Variants in AFF2 observed in about 807,000 individuals in gnomAD.
AFF2 encodes AF4/FMR2 family member 2.
In AFF2, 14 loss-of-function variants were observed where a neutral mutation model predicts 76.9. The ratio of observed to expected loss-of-function variants is 0.18; its 90% CI spans 0.12 to 0.28. The LOEUF (loss-of-function observed/expected upper bound fraction) is 0.28, where lower values mean the gene tolerates loss of function less well. AFF2 is among the 10% of genes least tolerant of loss of function. The probability of loss-of-function intolerance (pLI) is 1.00; values close to 1 mark genes in which losing one functional copy is unlikely to be tolerated. For synonymous variants in AFF2, 398 were observed against 366.7 expected (o/e 1.09, Z -0.98); for missense variants, 868 against 1,001.1 (o/e 0.87, Z 1.79).
intron 1 of AFF2, among the ~76,000 whole-genome samples, chrX:148,571,270 C>T (rs2124326151): frequency 9.0e-6 from 1 of 111,503 alleles, no homozygotes; most frequent in East Asian, 2.8e-4. Flanking sequence ...AGCCATGCTT[C>T]TGTGGATTCT....
chrX:148,916,196 C>CTTTTTTTTTTT lies in AFF2; in HGVS notation c.1397+11959_1397+11969dup, dbSNP rs782508166. Among the ~76,000 whole-genome samples, 19 of 34,038 alleles carry CTTTTTTTTTTT rather than the reference C, an allele frequency of 5.6e-4. 4 individuals are homozygous for CTTTTTTTTTTT. The highest frequency in any genetic ancestry group is 2.4e-3 in the African/African-American group (19 of 8,055). 29.6% of individuals were successfully genotyped at this position (34,038 alleles called of 115,157 possible). A position where few individuals can be genotyped will look rare whatever the true frequency, so the allele number is the denominator to read the frequency against. ...AATAGACTTTTGAATGTGGTTTTAA[C>CTTTTTTTTTTT]TTTTTTTTTTTTTTTTTTTTTTTTT... On this transcript the variant is annotated intron_variant, in intron 9 of 20. Coordinates refer to ENST00000370460, the MANE Select transcript of AFF2 (RefSeq NM_002025.4).
chrX:148,791,347 G>C (rs951704356), intron 3 of AFF2, among the ~76,000 whole-genome samples: 1 of 111,487 alleles, frequency 9.0e-6, no homozygotes, highest in African/African-American at 3.3e-5. Context: ...GGAACTCCCC[G>C]TTATAAAACC....
At chrX:148,696,850 C>G (rs147944369) in intron 3 of AFF2, among the ~76,000 whole-genome samples, 1,240 of 111,623 alleles carry the variant, frequency 0.011, 12 homozygotes, top group African/African-American at 0.038. Flanking sequence ...TGACTGCTGC[C>G]CATGATATAT....
intron 1 of AFF2, among the ~76,000 whole-genome samples, chrX:148,535,764 G>T (rs1478639636): frequency 1.8e-5 from 2 of 111,508 alleles, no homozygotes; most frequent in African/African-American, 6.5e-5. Context: ...TAACTGTCAT[G>T]GTGGTTCTCT....
At chrX:148,739,864 A>G (rs1252415163) in intron 3 of AFF2, among the ~76,000 whole-genome samples, 2 of 111,524 alleles carry the variant, frequency 1.8e-5, no homozygotes, top group Non-Finnish European at 3.8e-5. Flanking sequence ...TTCTCTCAGC[A>G]TTTGTTTGTC....
intron 1 of AFF2, among the ~76,000 whole-genome samples, chrX:148,613,164 C>T (rs1192808668): frequency 1.8e-5 from 2 of 111,384 alleles, no homozygotes; most frequent in Non-Finnish European, 3.8e-5. Flanking sequence ...ATCATTGTAC[C>T]TCCCCACTTA....
intron 1 of AFF2, among the ~76,000 whole-genome samples, chrX:148,597,048 A>G (rs192381904): frequency 1.5e-3 from 173 of 112,062 alleles, no homozygotes; most frequent in Non-Finnish European, 2.6e-3. Context: ...TGGGGGGCAG[A>G]TGAAGGGGTC....
chrX:148,980,672 G>A, intron 18 of AFF2, 66 bp from the exon 19 acceptor site: 1 of 922,428 alleles, frequency 1.1e-6, no homozygotes, highest in Non-Finnish European at 1.5e-6. Context: ...ACTTCCATCT[G>A]TTTCTGAATT....
At chrX:148,502,527 GT>G (rs781790916) in intron 1 of AFF2, among the ~76,000 whole-genome samples, 1 of 112,479 alleles carries the variant, frequency 8.9e-6, no homozygotes, top group East Asian at 2.8e-4. Context: ...TCTATAAGGC[GT>G]TTTGGATACC....
At chrX:148,868,372 A>T (rs1282243627) in intron 7 of AFF2, among the ~76,000 whole-genome samples, 1 of 112,035 alleles carries the variant, frequency 8.9e-6, no homozygotes, top group African/African-American at 3.2e-5. Flanking sequence ...AATCCTAATT[A>T]GGGGAATTGC....
intron 3 of AFF2, among the ~76,000 whole-genome samples, chrX:148,664,513 T>G (rs1468324012): frequency 9.0e-6 from 1 of 111,373 alleles, no homozygotes; most frequent in African/African-American, 3.3e-5. Context: ...CCTGATCCCC[T>G]CAGCTTAATT....
At chrX:148,911,897 A>G (rs1026547495) in intron 9 of AFF2, among the ~76,000 whole-genome samples, 3 of 112,091 alleles carry the variant, frequency 2.7e-5, no homozygotes, top group East Asian at 2.8e-4. Context: ...TATGTACCCA[A>G]AGGAATATAA....
chrX:148,896,203 T>C (rs2071282768), intron 8 of AFF2, among the ~76,000 whole-genome samples: 1 of 111,288 alleles, frequency 9.0e-6, no homozygotes, highest in African/African-American at 3.3e-5. Flanking sequence ...TGTTATGAAA[T>C]GAGGGGAAGG....
chrX:148,907,233 G>A (rs190949514), intron 9 of AFF2, among the ~76,000 whole-genome samples: 3 of 112,416 alleles, frequency 2.7e-5, no homozygotes, highest in East Asian at 2.8e-4. Flanking sequence ...GAATGAATAA[G>A]TAAACAAATT....
At chrX:148,647,273 C>T (rs782166912) in intron 1 of AFF2, among the ~76,000 whole-genome samples, 9 of 112,351 alleles carry the variant, frequency 8.0e-5, no homozygotes, top group Non-Finnish European at 1.3e-4. Context: ...GAATTATTTA[C>T]CTTCATGTAC....
At chrX:148,866,280 A>G (rs1468141437) in intron 7 of AFF2, among the ~76,000 whole-genome samples, 1 of 112,447 alleles carries the variant, frequency 8.9e-6, no homozygotes, top group South Asian at 3.7e-4. Context: ...TGTAATTAGT[A>G]GGAAACAATC....
chrX:148,686,026 A>G (rs1557260314), intron 3 of AFF2, among the ~76,000 whole-genome samples: 5 of 110,737 alleles, frequency 4.5e-5, no homozygotes, highest in South Asian at 3.8e-4. Context: ...TCTTCTCAGG[A>G]GATTTTAAGC....
chrX:148,700,226 T>C (rs1487371891), intron 3 of AFF2, among the ~76,000 whole-genome samples: 5 of 111,228 alleles, frequency 4.5e-5, no homozygotes, highest in African/African-American at 1.6e-4. Flanking sequence ...ACTAAAAAGT[T>C]GCCAAATCTC....
At chrX:148,779,980 G>A (rs1462082279) in intron 3 of AFF2, among the ~76,000 whole-genome samples, 1 of 112,001 alleles carries the variant, frequency 8.9e-6, no homozygotes, top group Non-Finnish European at 1.9e-5. Context: ...TGTCTGTAAA[G>A]CATTTTATTT....
Sources: allele counts gnomAD v4.1 joint callset (sites outside exome capture counted in the v4.1 genomes callset), GRCh38; gene constraint gnomAD v4.1.1; transcripts MANE v1.5; gene names NCBI Gene and HGNC (gene_info 2026-07-23, HGNC 2026-07-21).